ZNF469: variants seen among roughly 807,000 people sequenced by gnomAD.
The protein encoded by ZNF469 is zinc finger protein 469.
Under a neutral mutation model 1.0 loss-of-function variants are expected in ZNF469, and 1 was observed. The observed-to-expected ratio is 1.00, with a 90% CI of 0.35 to 4.73. The LOEUF is 4.73. ZNF469 is among the 30% of genes most tolerant of loss of function. ZNF469 has a pLI of 0.16. For missense variants in ZNF469, 6,100 were observed against 5,356.3 expected (o/e 1.14, Z -4.33); for synonymous variants, 2,703 against 2,363.4 (o/e 1.14, Z -4.17).
chr16:88,425,233 C>T (rs1229251788), intron 2 of ZNF469, among the ~76,000 whole-genome samples: 3 of 152,200 alleles, frequency 2.0e-5, no homozygotes, highest in Admixed American at 6.5e-5. Flanking sequence ...CCACCTCCTC[C>T]AGGAGGCCTT....
the ZNF469 span, among the ~76,000 whole-genome samples, chr16:88,203,532 G>T: frequency 5.3e-5 from 8 of 152,136 alleles, no homozygotes; most frequent in African/African-American, 1.9e-4. Context: ...AGGAGCTGGG[G>T]GCCAAAGCCG....
chr16:88,247,432 ATGAG>A, the ZNF469 span, among the ~76,000 whole-genome samples: 2 of 151,068 alleles, frequency 1.3e-5, no homozygotes, highest in Non-Finnish European at 2.9e-5. Context: ...GAATGAATGA[ATGAG>A]TGAATAAGTG....
the ZNF469 span, among the ~76,000 whole-genome samples, chr16:88,184,829 C>T: frequency 6.6e-6 from 1 of 152,254 alleles, no homozygotes; most frequent in African/African-American, 2.4e-5. Context: ...TCAGGGGACA[C>T]TCCCTCTCGG....
the ZNF469 span, among the ~76,000 whole-genome samples, chr16:88,199,518 C>G: frequency 6.6e-6 from 1 of 152,190 alleles, no homozygotes; most frequent in African/African-American, 2.4e-5. Flanking sequence ...CCTGTGCCAA[C>G]CATTGTTTGA....
At chr16:88,131,703 G>A in the ZNF469 span, among the ~76,000 whole-genome samples, 1 of 152,248 alleles carries the variant, frequency 6.6e-6, no homozygotes, top group African/African-American at 2.4e-5. Context: ...CTCGCAGAAG[G>A]CAGGGGCTGA....
At chr16:88,410,446 ACACAG>A (rs1905124110) in intron 1 of ZNF469, among the ~76,000 whole-genome samples, 1 of 148,394 alleles carries the variant, frequency 6.7e-6, no homozygotes, top group African/African-American at 2.5e-5. Flanking sequence ...GGTGCAGGTC[ACACAG>A]TGACATCTAT....
the ZNF469 span, among the ~76,000 whole-genome samples, chr16:88,366,359 CCAT>C: frequency 6.6e-6 from 1 of 150,584 alleles, no homozygotes; most frequent in African/African-American, 2.4e-5. Context: ...ATCATCACCA[CCAT>C]CACCATCAGC....
chr16:88,208,816 C>A, the ZNF469 span, among the ~76,000 whole-genome samples: 4 of 119,834 alleles, frequency 3.3e-5, no homozygotes, highest in Non-Finnish European at 7.6e-5. Context: ...CTCTCTCTCT[C>A]TCTCTCTCTC....
At chr16:88,135,456 C>T in the ZNF469 span, among the ~76,000 whole-genome samples, 1 of 152,220 alleles carries the variant, frequency 6.6e-6, no homozygotes, top group African/African-American at 2.4e-5. Flanking sequence ...CGATCTGGGC[C>T]AACAGTGCCA....
the ZNF469 span, among the ~76,000 whole-genome samples, chr16:88,114,041 C>T: frequency 6.6e-6 from 1 of 152,184 alleles, no homozygotes; most frequent in Non-Finnish European, 1.5e-5. Flanking sequence ...GGGTCTCCCC[C>T]ACCCCACAGC....
the ZNF469 span, among the ~76,000 whole-genome samples, chr16:88,314,262 A>T: frequency 7.2e-4 from 96 of 134,184 alleles, 3 homozygotes; most frequent in African/African-American, 2.4e-3. Flanking sequence ...CTCTGTGATT[A>T]TGATGATGCT....
chr16:88,142,229 T>A, the ZNF469 span, among the ~76,000 whole-genome samples: 1 of 152,198 alleles, frequency 6.6e-6, no homozygotes, highest in Non-Finnish European at 1.5e-5. Flanking sequence ...AAGACCCGGC[T>A]GGGCGGGGGG....
At chr16:88,210,524 C>T in the ZNF469 span, among the ~76,000 whole-genome samples, 1 of 152,340 alleles carries the variant, frequency 6.6e-6, no homozygotes, top group Admixed American at 6.5e-5. Context: ...AAAAGCTTTT[C>T]TGACATTTCC....
At chr16:88,392,221 C>T (rs1413696728) in intron 1 of ZNF469, among the ~76,000 whole-genome samples, 2 of 152,262 alleles carry the variant, frequency 1.3e-5, no homozygotes, top group Non-Finnish European at 2.9e-5. Context: ...GTGCGCTCTG[C>T]GCTTGTACCG....
the ZNF469 span, among the ~76,000 whole-genome samples, chr16:88,180,961 G>A: frequency 6.6e-6 from 1 of 152,072 alleles, no homozygotes; most frequent in African/African-American, 2.4e-5. Flanking sequence ...GTAAGCTATA[G>A]AAGAAGTAGA....
intron 1 of ZNF469, among the ~76,000 whole-genome samples, chr16:88,417,478 C>T (rs945369108): frequency 1.2e-4 from 19 of 152,222 alleles, no homozygotes; most frequent in Non-Finnish European, 2.4e-4. Flanking sequence ...TTGGGATACC[C>T]GCCTGGCTGT....
the ZNF469 span, among the ~76,000 whole-genome samples, chr16:88,355,785 G>A: frequency 3.3e-3 from 495 of 152,288 alleles, 1 homozygote; most frequent in South Asian, 0.011. Context: ...GAGCGGGGCC[G>A]GGGGACACTC....
chr16:88,294,373 G>C, the ZNF469 span, among the ~76,000 whole-genome samples: 2 of 152,250 alleles, frequency 1.3e-5, no homozygotes, highest in East Asian at 3.9e-4. Context: ...TACCTGCCTA[G>C]TGCTGTCTTA....
chr16:88,430,608 G>A lies in ZNF469; in HGVS notation c.3138G>A (p.Trp1046Ter). The A allele has an allele frequency of 6.7e-7, 1 of 1,501,144 alleles. No homozygotes were observed. The highest frequency in any genetic ancestry group is 8.8e-7 in the Non-Finnish European group (1 of 1,130,742). The allele number at this position is 1,501,144 out of a possible 1,614,324, so 93.0% of individuals were successfully genotyped here. Residue 1046 changes from tryptophan to a stop codon, truncating the protein, a stop_gained, in exon 3 of 3, where the codon TGG (tryptophan) becomes TGA (stop). Coordinates refer to ENST00000565624, the MANE Select transcript of ZNF469 (RefSeq NM_001367624.2). LOFTEE classifies it low-confidence loss of function (END_TRUNC). ...PRKRKARGGAWGKELILKIVQ... is the reference protein window; with the variant it reads ...PRKRKARGGA ...AGAGGAAGGCTCGGGGCGGCGCCTG[G>A]GGCAAGGAGCTCATTCTGAAGATCG...
Sources: gnomAD v4.1 joint callset for allele counts (sites outside exome capture counted in the v4.1 genomes callset) on GRCh38, gnomAD v4.1.1 for gene constraint, MANE v1.5 for transcripts, NCBI Gene and HGNC (gene_info 2026-07-23, HGNC 2026-07-21) for gene names.